ARHGEF11: variants seen among roughly 807,000 people sequenced by gnomAD.
The protein encoded by ARHGEF11 is Rho guanine nucleotide exchange factor 11.
Under a neutral mutation model 193.7 loss-of-function variants are expected in ARHGEF11, and 55 were observed. The observed-to-expected ratio is 0.28, with a 90% CI of 0.23 to 0.36. ARHGEF11 has a LOEUF of 0.36. Among genes scored for constraint, ARHGEF11 ranks in the 10% least tolerant of loss-of-function variants. ARHGEF11 has a pLI of 1.00. For missense variants in ARHGEF11, 1,723 were observed against 2,005.6 expected, an observed-to-expected ratio of 0.86 and a Z score of 2.69; for synonymous variants, 693 against 768.0, an observed-to-expected ratio of 0.90 and a Z score of 1.62.
intron 1 of ARHGEF11, among the ~76,000 whole-genome samples, chr1:157,007,948 C>G (rs1233755100): frequency 6.6e-5 from 1 of 15,180 alleles, no homozygotes; most frequent in Non-Finnish European, 1.6e-4. Context: ...TTCTCTGTTA[C>G]AGCTCCAATG....
At chr1:156,980,512 G>A (rs773376440) in intron 3 of ARHGEF11, 26 bp from the exon 4 acceptor site, 2 of 1,577,368 alleles carry the variant, frequency 1.3e-6, no homozygotes, top group East Asian at 2.3e-5. Flanking sequence ...CTGGTCAGCA[G>A]TGCCCAACAA....
chr1:157,038,840 G>A (rs1672389933), intron 1 of ARHGEF11, among the ~76,000 whole-genome samples: 1 of 152,024 alleles, frequency 6.6e-6, no homozygotes, highest in African/African-American at 2.4e-5. Context: ...ACCACTCTGG[G>A]CAACATGGTG....
intron 5 of ARHGEF11, 139 bp from the exon 6 acceptor site, chr1:156,978,521 C>T (rs1463480848): frequency 3.2e-5 from 43 of 1,350,510 alleles, no homozygotes; most frequent in Non-Finnish European, 3.4e-5. Flanking sequence ...ACTTTTAATG[C>T]CCCACCCATT....
At chr1:156,952,490 A>G (rs928351591) in intron 21 of ARHGEF11, among the ~76,000 whole-genome samples, 1 of 152,194 alleles carries the variant, frequency 6.6e-6, no homozygotes, top group Non-Finnish European at 1.5e-5. Flanking sequence ...ATATTAGAAC[A>G]GGGGTGGGCT....
chr1:156,947,630 G>A, intron 25 of ARHGEF11, 139 bp downstream of exon 25: 1 of 1,338,660 alleles, frequency 7.5e-7, no homozygotes, highest in Non-Finnish European at 1.0e-6. Flanking sequence ...GAACCTTATA[G>A]CAACAGGCAA....
chr1:157,039,415 T>A (rs1206488407), intron 1 of ARHGEF11, among the ~76,000 whole-genome samples: 3 of 152,210 alleles, frequency 2.0e-5, no homozygotes, highest in African/African-American at 4.8e-5. Flanking sequence ...GGCTCCATCA[T>A]CCACGTCTAC....
At chr1:156,978,770 C>T (rs568112940) in intron 5 of ARHGEF11, among the ~76,000 whole-genome samples, 1 of 152,388 alleles carries the variant, frequency 6.6e-6, no homozygotes, top group South Asian at 2.1e-4. Flanking sequence ...AAACTTCCCA[C>T]ATTCTTCAAT....
chr1:157,002,825 C>T lies in ARHGEF11; in HGVS notation c.33-16652G>A, dbSNP rs551627789. On this transcript the variant is annotated intron_variant, in intron 1 of 40. Coordinates refer to ENST00000368194, the MANE Select transcript of ARHGEF11 (RefSeq NM_198236.3). ...GCACTTACTGAGACAAGAATGTAGGCTCCTGAGTTCCCCTCCCAGATGTAA... is the reference window on the plus strand; with the variant it reads ...GCACTTACTGAGACAAGAATGTAGGTTCCTGAGTTCCCCTCCCAGATGTAA... 2.6e-5 allele frequency among the ~76,000 whole-genome samples: 4 copies of T among 152,298 alleles called. No homozygotes were observed. In the South Asian group the frequency reaches 8.3e-4, roughly 32 times the overall value.
intron 13 of ARHGEF11, among the ~76,000 whole-genome samples, chr1:156,962,428 CTG>C (rs1292301374): frequency 2.6e-5 from 4 of 152,180 alleles, no homozygotes; most frequent in Non-Finnish European, 5.9e-5. Flanking sequence ...GTTGCTGGCT[CTG>C]AGCACTTTCC....
intron 7 of ARHGEF11, among the ~76,000 whole-genome samples, chr1:156,975,060 C>G (rs940771219): frequency 6.6e-6 from 1 of 152,154 alleles, no homozygotes; most frequent in African/African-American, 2.4e-5. Flanking sequence ...TATAGTATTG[C>G]TGTGTTTCAT....
intron 1 of ARHGEF11, among the ~76,000 whole-genome samples, chr1:157,005,375 G>A (rs991239921): frequency 1.3e-5 from 2 of 152,192 alleles, no homozygotes; most frequent in Non-Finnish European, 2.9e-5. Flanking sequence ...AGGAGGTGAA[G>A]CTAATGTTGG....
intron 1 of ARHGEF11, among the ~76,000 whole-genome samples, chr1:157,034,861 T>C (rs1010196293): frequency 6.6e-6 from 1 of 152,198 alleles, no homozygotes; most frequent in Non-Finnish European, 1.5e-5. Context: ...TGTATGTATG[T>C]GCAAAAGGAA....
intron 3 of ARHGEF11, among the ~76,000 whole-genome samples, chr1:156,982,897 C>A (rs1463511361): frequency 6.6e-6 from 1 of 152,176 alleles, no homozygotes; most frequent in African/African-American, 2.4e-5. Flanking sequence ...AAGTTTACTC[C>A]CAAATATAAG....
At chr1:156,959,802 T>C (rs1537848) in intron 15 of ARHGEF11, among the ~76,000 whole-genome samples, 29,889 of 152,054 alleles carry the variant, frequency 0.2, 3,071 homozygotes, top group East Asian at 0.32. Flanking sequence ...AGACTGCCTC[T>C]CCTTAATTCT....
At chr1:156,941,344 C>T in intron 35 of ARHGEF11, 28 bp downstream of exon 35, 1 of 1,613,140 alleles carries the variant, frequency 6.2e-7, no homozygotes, top group Non-Finnish European at 8.5e-7. Flanking sequence ...CCTGGGCTGG[C>T]TCCCACAGGA....
Position 156,957,773 on chromosome 1 carries a change from A to C in ARHGEF11, c.1526+19T>G. The C allele has an allele frequency of 6.2e-7, 1 of 1,613,802 alleles. No homozygotes were observed. Among genetic ancestry groups the C allele is most frequent in the South Asian group, 1.1e-5 (1 of 91,076 alleles). ...CTTCCACCTTGAAAGCTGCAAATCC[A>C]CATCATAGACTTGCTTACCTCCTGT... On this transcript the variant is annotated intron_variant, in intron 18 of 40. Transcript: ENST00000368194.
At position 156,947,900 on chromosome 1, in the gene ARHGEF11, A is replaced by G; in HGVS notation, c.2210T>C (p.Leu737Pro). 6.2e-7 allele frequency: 1 copy of G among 1,614,078 alleles called. No homozygotes were observed. The highest frequency in any genetic ancestry group is 8.5e-7 in the Non-Finnish European group (1 of 1,180,002). Reference protein sequence around the residue: ...FCTDTLLPHLLEDDLGQLSDL... With the variant: ...FCTDTLLPHLPEDDLGQLSDL... ...AGACAGCTGGCCCAGATCATCCTCT[A>G]GGAGGTGGGGAAGGAGGGTATCTGT... The change falls in exon 25 of 41, where the codon CTA becomes CCA. Residue 737 changes from leucine to proline, a missense_variant. By Grantham distance (98) the Leu-to-Pro change is moderately conservative (BLOSUM62 -3). Around this residue, in one of 5 missense-constraint regions of ARHGEF11, gnomAD observed 491 missense variants for 654.5 expected, o/e 0.75. Transcript: ENST00000368194.
At chr1:157,027,467 T>C (rs1407479678) in intron 1 of ARHGEF11, among the ~76,000 whole-genome samples, 1 of 151,996 alleles carries the variant, frequency 6.6e-6, no homozygotes, top group African/African-American at 2.4e-5. Context: ...TAATTGGATG[T>C]CATATAAAAA....
intron 15 of ARHGEF11, among the ~76,000 whole-genome samples, chr1:156,960,092 T>C (rs899209014): frequency 1.3e-5 from 2 of 152,016 alleles, no homozygotes; most frequent in Non-Finnish European, 2.9e-5. Flanking sequence ...TGTTTCCTCT[T>C]TGTTCAGATA....
Sources: allele counts gnomAD v4.1 joint callset (sites outside exome capture counted in the v4.1 genomes callset), GRCh38; gene constraint gnomAD v4.1.1; regional missense constraint gnomAD v4.1.1; transcripts MANE v1.5; gene names NCBI Gene and HGNC (gene_info 2026-07-23, HGNC 2026-07-21).